Variants in NRG3 observed in about 807,000 individuals in gnomAD.
The protein encoded by NRG3 is pro-neuregulin-3, membrane-bound isoform.
A neutral mutation model predicts 66.9 loss-of-function variants in NRG3; 31 were observed. The observed-to-expected ratio is 0.46, with a 90% confidence interval of 0.35 to 0.63. NRG3 has a LOEUF of 0.63. Among genes scored for constraint, NRG3 ranks in the 20% least tolerant of loss-of-function variants. The pLI is 0.00. For synonymous variants in NRG3, 393 were observed against 359.4 expected (o/e 1.09, Z -1.06); for missense variants, 910 against 878.9 (o/e 1.04, Z -0.45).
chr10:82,333,481 A>G (rs1373520745), intron 1 of NRG3, among the ~76,000 whole-genome samples: 2 of 152,218 alleles, frequency 1.3e-5, no homozygotes, highest in African/African-American at 4.8e-5. Flanking sequence ...GCATTTTCCT[A>G]GAATGTCCCT....
intron 6 of NRG3, among the ~76,000 whole-genome samples, chr10:82,970,870 A>G (rs967197541): frequency 6.6e-6 from 1 of 152,306 alleles, no homozygotes; most frequent in East Asian, 1.9e-4. Context: ...GAGTTCATTC[A>G]TATCTTCTTG....
chr10:82,333,233 G>T (rs2082225577), intron 1 of NRG3, among the ~76,000 whole-genome samples: 1 of 152,150 alleles, frequency 6.6e-6, no homozygotes. Flanking sequence ...AGGAGCTCAG[G>T]ATCTCCCCAG....
chr10:81,929,263 T>C (rs756836159), intron 1 of NRG3, among the ~76,000 whole-genome samples: 4 of 152,168 alleles, frequency 2.6e-5, no homozygotes, highest in Non-Finnish European at 4.4e-5. Flanking sequence ...CATCTGTTCT[T>C]CTCCTCCTCA....
intron 2 of NRG3, among the ~76,000 whole-genome samples, chr10:82,383,849 T>C (rs1379895552): frequency 6.6e-6 from 1 of 151,888 alleles, no homozygotes; most frequent in Non-Finnish European, 1.5e-5. Flanking sequence ...AAAAACTCAA[T>C]GTTCACAGAT....
At chr10:82,006,507 T>C (rs1407465185) in intron 1 of NRG3, among the ~76,000 whole-genome samples, 5 of 152,164 alleles carry the variant, frequency 3.3e-5, no homozygotes, top group Non-Finnish European at 5.9e-5. Flanking sequence ...CTTTTCTGTT[T>C]CTATCTTTAT....
At chr10:82,316,483 C>T (rs2081301722) in intron 1 of NRG3, among the ~76,000 whole-genome samples, 1 of 152,086 alleles carries the variant, frequency 6.6e-6, no homozygotes, top group Non-Finnish European at 1.5e-5. Flanking sequence ...GTAGCTGCTG[C>T]TTTTATTTGA....
chr10:82,290,543 G>T (rs1424405513), intron 1 of NRG3, among the ~76,000 whole-genome samples: 2 of 152,042 alleles, frequency 1.3e-5, no homozygotes, highest in Non-Finnish European at 2.9e-5. Context: ...TTTTGGTATG[G>T]ATTCCCTAAT....
intron 1 of NRG3, among the ~76,000 whole-genome samples, chr10:82,353,184 A>G (rs184200586): frequency 3.3e-5 from 5 of 152,218 alleles, no homozygotes; most frequent in South Asian, 2.1e-4. Flanking sequence ...CAAGAATTCC[A>G]TTTTCTATAA....
chr10:82,222,755 T>C (rs1382257238), intron 1 of NRG3, among the ~76,000 whole-genome samples: 4 of 152,200 alleles, frequency 2.6e-5, no homozygotes, highest in African/African-American at 7.2e-5. Flanking sequence ...TTCTGAATTC[T>C]AGGTAGACTT....
intron 2 of NRG3, among the ~76,000 whole-genome samples, chr10:82,457,183 C>T (rs1392703497): frequency 4.6e-5 from 7 of 151,978 alleles, no homozygotes; most frequent in Non-Finnish European, 7.4e-5. Context: ...ATTATTAAGC[C>T]TCCAATTTGT....
At chr10:82,970,672 T>G (rs568000169) in intron 6 of NRG3, among the ~76,000 whole-genome samples, 6 of 152,240 alleles carry the variant, frequency 3.9e-5, no homozygotes, top group Non-Finnish European at 7.3e-5. Flanking sequence ...ACTTATATTT[T>G]GATTTACTAA....
rs1224135028 is a variant in NRG3 at position 82,132,520 on chromosome 10, T to TC, written c.824-226219_824-226218insC. On this transcript the variant is annotated intron_variant, in intron 1 of 8. Transcript: ENST00000372141. Reference sequence around the variant, plus strand: ...ATATATATATCATATATATATGATATATATGATATATATATGATATATATA... The same window carrying TC: ...ATATATATATCATATATATATGATATCATATGATATATATATGATATATATA... Among the ~76,000 whole-genome samples, 9 of 10,796 alleles carry TC rather than the reference T, an allele frequency of 8.3e-4. 2 individuals carry two copies. The highest frequency in any genetic ancestry group is 3.2e-3 in the African/African-American group (7 of 2,208). 7.1% of individuals were successfully genotyped at this position (10,796 alleles called of 152,430 possible).
intron 1 of NRG3, among the ~76,000 whole-genome samples, chr10:82,343,966 C>G (rs1006022668): frequency 2.0e-5 from 3 of 152,064 alleles, no homozygotes; most frequent in African/African-American, 7.2e-5. Flanking sequence ...ACATCACATC[C>G]ATACATACTT....
chr10:82,185,585 A>G (rs2073753104), intron 1 of NRG3, among the ~76,000 whole-genome samples: 1 of 152,228 alleles, frequency 6.6e-6, no homozygotes, highest in Non-Finnish European at 1.5e-5. Context: ...TAGAGTAGAA[A>G]CATATAACAA....
At chr10:82,782,068 G>C (rs1047803860) in intron 3 of NRG3, among the ~76,000 whole-genome samples, 3 of 152,096 alleles carry the variant, frequency 2.0e-5, no homozygotes, top group Non-Finnish European at 4.4e-5. Flanking sequence ...CTATGGTCAT[G>C]CTACTCTCTT....
intron 3 of NRG3, among the ~76,000 whole-genome samples, chr10:82,803,185 AG>A (rs1452609387): frequency 1.3e-5 from 2 of 152,156 alleles, no homozygotes; most frequent in Non-Finnish European, 2.9e-5. Flanking sequence ...CCTCCAGTAA[AG>A]GCACCTGTGT....
chr10:82,158,052 A>G (rs1356439454), intron 1 of NRG3, among the ~76,000 whole-genome samples: 2 of 151,690 alleles, frequency 1.3e-5, no homozygotes, highest in African/African-American at 4.8e-5. Flanking sequence ...TATTACAAAA[A>G]ACACTCCTAT....
chr10:82,424,832 T>C (rs990965650), intron 2 of NRG3, among the ~76,000 whole-genome samples: 3 of 151,980 alleles, frequency 2.0e-5, no homozygotes, highest in Non-Finnish European at 2.9e-5. Flanking sequence ...TGAGGTCAGG[T>C]TCCAAATTTA....
chr10:82,548,324 C>T (rs2044069441), intron 2 of NRG3, among the ~76,000 whole-genome samples: 2 of 151,874 alleles, frequency 1.3e-5, no homozygotes, highest in Non-Finnish European at 2.9e-5. Context: ...CTAATTAAGG[C>T]AATAATCTCG....
Sources: gnomAD v4.1 joint callset for allele counts (sites outside exome capture counted in the v4.1 genomes callset) on GRCh38, gnomAD v4.1.1 for gene constraint, MANE v1.5 for transcripts, NCBI Gene and HGNC (gene_info 2026-07-23, HGNC 2026-07-21) for gene names.